Variants in NALF1 observed in about 807,000 individuals in gnomAD.
The protein encoded by NALF1 is family with sequence similarity 155 member A.
A neutral mutation model predicts 48.4 loss-of-function variants in NALF1; 3 were observed. The observed-to-expected ratio is 0.06, with a 90% confidence interval of 0.03 to 0.16. The LOEUF is 0.16. Among genes scored for constraint, NALF1 ranks in the 10% least tolerant of loss-of-function variants. The pLI, the probability that NALF1 is intolerant of heterozygous loss-of-function variation, is 1.00. For synonymous variants in NALF1, 262 were observed against 245.7 expected, an observed-to-expected ratio of 1.07 and a Z score of -0.62; for missense variants, 526 against 571.5, an observed-to-expected ratio of 0.92 and a Z score of 0.81.
At chr13:107,665,762 G>T (rs977115964) in intron 1 of NALF1, among the ~76,000 whole-genome samples, 1 of 152,002 alleles carries the variant, frequency 6.6e-6, no homozygotes, top group African/African-American at 2.4e-5. Flanking sequence ...AATATGAGGG[G>T]ACTTCAAAAA....
intron 1 of NALF1, among the ~76,000 whole-genome samples, chr13:107,573,962 G>A (rs1594136996): frequency 6.6e-6 from 1 of 152,058 alleles, no homozygotes; most frequent in African/African-American, 2.4e-5. Flanking sequence ...AGCAGTGTGA[G>A]AACAGACTAA....
chr13:107,656,902 G>T (rs1880591657), intron 1 of NALF1, among the ~76,000 whole-genome samples: 1 of 152,058 alleles, frequency 6.6e-6, no homozygotes, highest in Non-Finnish European at 1.5e-5. Flanking sequence ...AGTAACTCAG[G>T]AATGGAAAAC....
chr13:107,639,852 A>G (rs1035424566), intron 1 of NALF1, among the ~76,000 whole-genome samples: 6 of 152,160 alleles, frequency 3.9e-5, no homozygotes, highest in African/African-American at 1.4e-4. Context: ...ATTATGAGTG[A>G]TATTGTGCTC....
intron 1 of NALF1, among the ~76,000 whole-genome samples, chr13:107,377,296 C>A (rs557406173): frequency 6.6e-4 from 100 of 152,336 alleles, no homozygotes; most frequent in Middle Eastern, 3.4e-3. Context: ...AGTTGCAGAG[C>A]TAGAGAAGAA....
intron 1 of NALF1, among the ~76,000 whole-genome samples, chr13:107,337,931 C>T (rs998918374): frequency 6.6e-6 from 1 of 152,090 alleles, no homozygotes; most frequent in African/African-American, 2.4e-5. Flanking sequence ...CACCGTGTCA[C>T]GCAAATAACA....
In NALF1 at chr13:107,633,721, GTATA is replaced by G. The variant is rs71121539; in HGVS notation, c.915+231957_915+231960del. Among the ~76,000 whole-genome samples the G allele has an allele frequency of 3.8e-3, 560 of 145,792 alleles. 3 individuals carry two copies. The highest frequency in any genetic ancestry group is 0.011 in the African/African-American group (429 of 39,646). On this transcript the variant is annotated intron_variant, in intron 1 of 2. Transcript: ENST00000375915. ...TTTTATTTTTCATATATATGTGTGT[GTATA>G]TATATATATATATATGAAACACATA... is the stretch of plus-strand genomic sequence containing the variant.
intron 1 of NALF1, among the ~76,000 whole-genome samples, chr13:107,263,078 C>A (rs892375363): frequency 1.3e-5 from 2 of 152,084 alleles, no homozygotes; most frequent in African/African-American, 2.4e-5. Context: ...TCCTGGCTTG[C>A]CAGGGACTTG....
chr13:107,326,466 T>C (rs9514660), intron 1 of NALF1, among the ~76,000 whole-genome samples: 24,670 of 152,102 alleles, frequency 0.16, 2,650 homozygotes, highest in Non-Finnish European at 0.24. Flanking sequence ...ATATGCATCA[T>C]TTTAATTAAT....
intron 1 of NALF1, among the ~76,000 whole-genome samples, chr13:107,798,326 T>G (rs2138593834): frequency 6.6e-6 from 1 of 152,346 alleles, no homozygotes. Flanking sequence ...TGCTAACTTC[T>G]TCTCTCTAGA....
chr13:107,333,324 C>A (rs1431054928), intron 1 of NALF1, among the ~76,000 whole-genome samples: 2 of 152,160 alleles, frequency 1.3e-5, no homozygotes, highest in South Asian at 4.1e-4. Context: ...CCAGACAGTG[C>A]TTCAGCACTC....
intron 1 of NALF1, among the ~76,000 whole-genome samples, chr13:107,852,986 T>C (rs1303370479): frequency 6.6e-6 from 1 of 152,190 alleles, no homozygotes; most frequent in Non-Finnish European, 1.5e-5. Context: ...GCATTTCAAA[T>C]GTCAGACTAT....
At chr13:107,414,318 T>C (rs1349927732) in intron 1 of NALF1, among the ~76,000 whole-genome samples, 1 of 151,518 alleles carries the variant, frequency 6.6e-6, no homozygotes, top group Non-Finnish European at 1.5e-5. Flanking sequence ...TCTTTTCTTC[T>C]TTTCTTTCTT....
At chr13:107,772,161 G>C (rs1877598612) in intron 1 of NALF1, among the ~76,000 whole-genome samples, 1 of 152,004 alleles carries the variant, frequency 6.6e-6, no homozygotes, top group African/African-American at 2.4e-5. Context: ...ATCTAGGGTG[G>C]ACCCGTCCCT....
rs948908774 is a variant in NALF1, at chr13:107,794,906, A to C, written c.915+70776T>G. On this transcript the variant is annotated intron_variant, in intron 1 of 2. Coordinates refer to ENST00000375915, the MANE Select transcript of NALF1 (RefSeq NM_001080396.3). Reference sequence around the variant, plus strand: ...ATAAAAGGCAAATATTTTTCTGAACAAGTTCTTCTAACATTGAAGAGATAA... The same window carrying C: ...ATAAAAGGCAAATATTTTTCTGAACCAGTTCTTCTAACATTGAAGAGATAA... 3.1e-4 allele frequency among the ~76,000 whole-genome samples: 47 copies of C among 152,182 alleles called. 1 individual carries two copies. Among genetic ancestry groups the C allele is most frequent in the Non-Finnish European group, 2.2e-4 (15 of 68,008 alleles).
intron 1 of NALF1, among the ~76,000 whole-genome samples, chr13:107,545,372 A>G (rs1278206330): frequency 6.6e-6 from 1 of 152,182 alleles, no homozygotes; most frequent in Non-Finnish European, 1.5e-5. Flanking sequence ...AGACCCTCCA[A>G]CACCATGATT....
chr13:107,608,199 C>G (rs1261620074), intron 1 of NALF1, among the ~76,000 whole-genome samples: 1 of 152,178 alleles, frequency 6.6e-6, no homozygotes, highest in African/African-American at 2.4e-5. Context: ...AACAGCTTCT[C>G]CCAGCTCTCT....
At chr13:107,755,336 T>C (rs1877063972) in intron 1 of NALF1, among the ~76,000 whole-genome samples, 1 of 152,082 alleles carries the variant, frequency 6.6e-6, no homozygotes, top group South Asian at 2.1e-4. Context: ...CTCTATTTCT[T>C]CTTCAGGCCT....
intron 1 of NALF1, among the ~76,000 whole-genome samples, chr13:107,359,612 C>T (rs192938787): frequency 1.4e-3 from 213 of 151,748 alleles, no homozygotes; most frequent in South Asian, 1.7e-3. Flanking sequence ...TCCTCCCTCC[C>T]TCCCTCCCTC....
chr13:107,542,430 A>T (rs1023714970), intron 1 of NALF1, among the ~76,000 whole-genome samples: 1 of 152,110 alleles, frequency 6.6e-6, no homozygotes, highest in African/African-American at 2.4e-5. Context: ...ATAGTTTGAC[A>T]TATCTGTGAA....
Sources: gnomAD v4.1 joint callset for allele counts (sites outside exome capture counted in the v4.1 genomes callset) on GRCh38, gnomAD v4.1.1 for gene constraint, MANE v1.5 for transcripts, NCBI Gene and HGNC (gene_info 2026-07-23, HGNC 2026-07-21) for gene names.